The following ARHGAP26 variants were observed in gnomAD, a reference collection of about 807,000 sequenced individuals.
ARHGAP26 encodes Rho GTPase activating protein 26, also known as rho GTPase-activating protein 26.
In ARHGAP26, 38 loss-of-function variants were observed where a neutral mutation model predicts 104.8. The observed-to-expected ratio is 0.36, with a 90% confidence interval of 0.28 to 0.48. ARHGAP26 has a LOEUF of 0.48. ARHGAP26 is among the 20% of genes least tolerant of loss of function. The pLI, the probability that ARHGAP26 is intolerant of heterozygous loss-of-function variation, is 0.99. For synonymous variants in ARHGAP26, 341 were observed against 340.0 expected (o/e 1.00, Z -0.03); for missense variants, 704 against 947.9 (o/e 0.74, Z 3.38).
intron 18 of ARHGAP26, among the ~76,000 whole-genome samples, chr5:143,127,817 C>T (rs143000962): frequency 2.0e-5 from 3 of 152,260 alleles, no homozygotes; most frequent in Admixed American, 6.5e-5. Context: ...TTAGAAGTCG[C>T]ATTTTATTTC....
intron 21 of ARHGAP26, among the ~76,000 whole-genome samples, chr5:143,211,733 A>AT (rs1335525132): frequency 6.6e-6 from 1 of 151,296 alleles, no homozygotes; most frequent in Non-Finnish European, 1.5e-5. Flanking sequence ...TGCCTGGCTA[A>AT]TTTTTTTTAT....
intron 17 of ARHGAP26, among the ~76,000 whole-genome samples, chr5:143,098,389 G>A (rs990453229): frequency 1.3e-5 from 2 of 152,030 alleles, no homozygotes; most frequent in African/African-American, 4.8e-5. Context: ...GTACAAGTAT[G>A]TTACTCTTAA....
intron 11 of ARHGAP26, among the ~76,000 whole-genome samples, chr5:142,978,035 T>A (rs1278907652): frequency 6.6e-6 from 1 of 152,254 alleles, no homozygotes; most frequent in East Asian, 1.9e-4. Context: ...TTATTTTCAG[T>A]GATCCGACAT....
At position 143,223,584 on chromosome 5, in the gene ARHGAP26, C is replaced by G. The variant is rs898567656; in HGVS notation, c.*1138C>G. ...CTCTAACCCACCACTGGCCAGCCCC[C>G]TTGCCCTACTCTGGGCTGCTGAACA... On this transcript the variant is annotated 3_prime_UTR_variant, in exon 23 of 23. Transcript: ENST00000645722. 2 of 232,300 alleles carry G rather than the reference C, an allele frequency of 8.6e-6. No individual in the cohort carries two copies. Among genetic ancestry groups the G allele is most frequent in the African/African-American group, 4.4e-5 (2 of 45,288 alleles). The allele number at this position is 232,300 out of a possible 1,614,324, so 14.4% of individuals were successfully genotyped here.
At chr5:142,782,505 C>G (rs1198131365) in intron 1 of ARHGAP26, among the ~76,000 whole-genome samples, 1 of 152,082 alleles carries the variant, frequency 6.6e-6, no homozygotes, top group Non-Finnish European at 1.5e-5. Flanking sequence ...TAAAAACTCC[C>G]CAGGTGATTC....
At chr5:142,963,219 T>TGTGTGC (rs753184861) in intron 11 of ARHGAP26, among the ~76,000 whole-genome samples, 1 of 127,968 alleles carries the variant, frequency 7.8e-6, no homozygotes, top group Non-Finnish European at 1.6e-5. Context: ...TGTGTGTGTG[T>TGTGTGC]GCGCGTGTGT....
Position 142,974,643 on chromosome 5 carries a change from A to C in ARHGAP26, c.1108-39437A>C, listed in dbSNP as rs1216046213. Among the ~76,000 whole-genome samples the C allele has an allele frequency of 4.6e-5, 7 of 152,226 alleles. No individual in the cohort carries two copies. The East Asian group carries it at 1.3e-3, about 29-fold the overall frequency. On this transcript the variant is annotated intron_variant, in intron 11 of 22. Transcript: ENST00000645722. The stretch of plus-strand genomic sequence containing the variant: ...GATGAGGAAGCAGAGCCTCCTCCAC[A>C]TTCAAGCCTTCTGACTGCAGGGCTC...
chr5:142,821,466 C>G (rs1367436583), intron 1 of ARHGAP26, among the ~76,000 whole-genome samples: 3 of 151,994 alleles, frequency 2.0e-5, no homozygotes, highest in Non-Finnish European at 4.4e-5. Flanking sequence ...GAGTCCTTGA[C>G]TTCCATTATA....
chr5:143,117,450 T>C (rs968554754), intron 17 of ARHGAP26, among the ~76,000 whole-genome samples: 2 of 152,110 alleles, frequency 1.3e-5, no homozygotes, highest in African/African-American at 4.8e-5. Flanking sequence ...CTGTACCAAG[T>C]TGTGAGCAGT....
At chr5:142,870,824 G>A (rs1226928226) in intron 1 of ARHGAP26, among the ~76,000 whole-genome samples, 1 of 152,120 alleles carries the variant, frequency 6.6e-6, no homozygotes, top group African/African-American at 2.4e-5. Flanking sequence ...GATTGGGGTG[G>A]GGGCAAGGGG....
chr5:142,788,104 G>A (rs529235360), intron 1 of ARHGAP26, among the ~76,000 whole-genome samples: 2 of 151,162 alleles, frequency 1.3e-5, no homozygotes, highest in South Asian at 4.2e-4. Context: ...AGGTTGAAGT[G>A]ATTCTCGTGC....
At chr5:142,827,546 G>A (rs1767535935) in intron 1 of ARHGAP26, among the ~76,000 whole-genome samples, 1 of 152,192 alleles carries the variant, frequency 6.6e-6, no homozygotes. Flanking sequence ...TAGAGTGTAG[G>A]TTAAGAGCAT....
At chr5:142,852,553 T>C (rs967903230) in intron 1 of ARHGAP26, among the ~76,000 whole-genome samples, 1 of 152,268 alleles carries the variant, frequency 6.6e-6, no homozygotes, top group Non-Finnish European at 1.5e-5. Flanking sequence ...TTAATATGGA[T>C]GCCTATGGCT....
At chr5:142,935,021 G>A (rs1292843426) in intron 11 of ARHGAP26, among the ~76,000 whole-genome samples, 1 of 152,054 alleles carries the variant, frequency 6.6e-6, no homozygotes, top group Non-Finnish European at 1.5e-5. Flanking sequence ...TATAATGGAG[G>A]AAGAAATTAG....
intron 1 of ARHGAP26, among the ~76,000 whole-genome samples, chr5:142,836,037 A>G (rs1046204169): frequency 6.6e-5 from 10 of 152,256 alleles, no homozygotes. Context: ...AATCCAGGGC[A>G]TTGGTACCCT....
chr5:143,073,497 A>G (rs893348149), intron 17 of ARHGAP26, among the ~76,000 whole-genome samples: 3 of 152,180 alleles, frequency 2.0e-5, no homozygotes, highest in African/African-American at 7.2e-5. Context: ...TGCTATGGAA[A>G]AGGCACTGAC....
In ARHGAP26 at chr5:143,151,563, T is replaced by C. The variant is rs560229752; in HGVS notation, c.1988+4182T>C. 1.2e-4 allele frequency among the ~76,000 whole-genome samples: 18 copies of C among 152,302 alleles called. No individual in the cohort carries two copies. In the South Asian group the frequency reaches 3.1e-3, roughly 26 times the overall value. On this transcript the variant is annotated intron_variant, in intron 20 of 22. Transcript: ENST00000645722. ...GTGAAAATGGATAAACAAACTATGG[T>C]GCACGCAGACAATGCTATATTATTC...
At chr5:143,067,128 C>G (rs1274923107) in intron 17 of ARHGAP26, among the ~76,000 whole-genome samples, 1 of 151,990 alleles carries the variant, frequency 6.6e-6, no homozygotes, top group Non-Finnish European at 1.5e-5. Flanking sequence ...TCTTAATTTC[C>G]TGGAGGGGGA....
intron 11 of ARHGAP26, among the ~76,000 whole-genome samples, chr5:142,964,085 C>G (rs1388149657): frequency 1.3e-5 from 2 of 152,248 alleles, no homozygotes; most frequent in South Asian, 2.1e-4. Flanking sequence ...TTTGTTTTGA[C>G]TGACAGAACT....
Sources: gnomAD v4.1 joint callset for allele counts (sites outside exome capture counted in the v4.1 genomes callset) on GRCh38, gnomAD v4.1.1 for gene constraint, MANE v1.5 for transcripts, NCBI Gene and HGNC (gene_info 2026-07-23, HGNC 2026-07-21) for gene names.